Variants in STIM2 observed in about 807,000 individuals in gnomAD.
STIM2 encodes stromal interaction molecule 2.
In STIM2, 31 loss-of-function variants were observed where a neutral mutation model predicts 85.8. The ratio of observed to expected loss-of-function variants is 0.36; its 90% confidence interval spans 0.27 to 0.49. STIM2 has a LOEUF of 0.49. Ranked by LOEUF, STIM2 falls within the 20% of genes least tolerant of loss-of-function variation. STIM2 has a pLI of 0.98. For missense variants in STIM2, 841 were observed against 927.6 expected (o/e 0.91, Z 1.21); for synonymous variants, 356 against 331.1 (o/e 1.08, Z -0.82).
At position 26,920,370 on chromosome 4, in the gene STIM2, G is replaced by A. The variant is rs940901787; in HGVS notation, c.282+736G>A. 2.0e-5 allele frequency among the ~76,000 whole-genome samples: 3 copies of A among 152,238 alleles called. 1 individual carries two copies. The highest frequency in any genetic ancestry group is 4.1e-4 in the South Asian group (2 of 4,826). ...GAGACCACCAGCATGGTAATTTACT[G>A]TACCCACTGTCTTTAGTTTTTAAGC... is the stretch of plus-strand genomic sequence containing the variant. On this transcript the variant is annotated intron_variant, in intron 2 of 11. Transcript: ENST00000467087.
chr4:26,889,044 A>G (rs182085381), intron 1 of STIM2, among the ~76,000 whole-genome samples: 5 of 152,274 alleles, frequency 3.3e-5, no homozygotes, highest in Admixed American at 2.6e-4. Context: ...TTTTGGAAAT[A>G]AGGCCTCTAG....
chr4:26,943,798 GGTT>G (rs1296155907), intron 2 of STIM2, among the ~76,000 whole-genome samples: 1 of 151,682 alleles, frequency 6.6e-6, no homozygotes, highest in East Asian at 1.9e-4. Context: ...AGTACTACAG[GGTT>G]TTAATTTAAC....
At chr4:26,947,029 A>G (rs940376358) in intron 2 of STIM2, among the ~76,000 whole-genome samples, 2 of 152,216 alleles carry the variant, frequency 1.3e-5, no homozygotes, top group African/African-American at 4.8e-5. Context: ...AAAATGCATT[A>G]TCATAAGTGA....
At chr4:27,011,523 C>T (rs1366919661) in intron 10 of STIM2, among the ~76,000 whole-genome samples, 1 of 152,114 alleles carries the variant, frequency 6.6e-6, no homozygotes, top group Non-Finnish European at 1.5e-5. Flanking sequence ...TGGGAAGGCA[C>T]CTTTTACTAG....
Position 26,895,836 on chromosome 4 carries a change from G to A in STIM2, c.152-23668G>A, listed in dbSNP as rs570004131. 2.0e-5 allele frequency among the ~76,000 whole-genome samples: 3 copies of A among 152,354 alleles called. No individual in the cohort carries two copies. The South Asian group carries it at 6.2e-4, about 32-fold the overall frequency. On this transcript the variant is annotated intron_variant, in intron 1 of 11. Transcript: ENST00000467087. ...TCAAAGTCATTCTCTTTGTAAGGGT[G>A]TTTGAAGAGTAATAATCAAACTCAG...
intron 1 of STIM2, among the ~76,000 whole-genome samples, chr4:26,880,000 T>C (rs1364940941): frequency 1.3e-5 from 2 of 151,424 alleles, no homozygotes; most frequent in African/African-American, 2.5e-5. Context: ...TATCATTCTT[T>C]ACCTTCTGCA....
chr4:27,012,295 T>G (rs1428568209), intron 10 of STIM2, among the ~76,000 whole-genome samples: 2 of 152,150 alleles, frequency 1.3e-5, no homozygotes, highest in African/African-American at 4.8e-5. Context: ...CTTATGAAAT[T>G]CCATGAAAGG....
chr4:26,920,483 C>T (rs1338807814), intron 2 of STIM2, among the ~76,000 whole-genome samples: 1 of 152,166 alleles, frequency 6.6e-6, no homozygotes, highest in Non-Finnish European at 1.5e-5. Flanking sequence ...CTAACCAAAT[C>T]CCCTGGTCAT....
intron 2 of STIM2, among the ~76,000 whole-genome samples, chr4:26,925,849 T>C (rs1031029519): frequency 2.3e-5 from 2 of 85,436 alleles, no homozygotes; most frequent in African/African-American, 1.4e-4. Flanking sequence ...ACAAAATCAA[T>C]GTACCAAAAT....
chr4:26,956,786 T>G (rs925863876), intron 2 of STIM2, among the ~76,000 whole-genome samples: 1 of 152,090 alleles, frequency 6.6e-6, no homozygotes, highest in African/African-American at 2.4e-5. Context: ...ATGAATGCAG[T>G]GATATTGAGG....
chr4:26,994,918 T>C (rs561885156), intron 3 of STIM2, among the ~76,000 whole-genome samples: 82 of 152,238 alleles, frequency 5.4e-4, no homozygotes, highest in Non-Finnish European at 7.5e-4. Context: ...TTTCATAAAG[T>C]GCCCCTCCCC....
chr4:26,907,380 C>T (rs939246944), intron 1 of STIM2, among the ~76,000 whole-genome samples: 1 of 152,134 alleles, frequency 6.6e-6, no homozygotes, highest in Non-Finnish European at 1.5e-5. Flanking sequence ...AGTTAGCTGT[C>T]ACTTCTCTCT....
intron 3 of STIM2, among the ~76,000 whole-genome samples, chr4:26,983,168 G>T (rs889678900): frequency 3.3e-5 from 5 of 152,174 alleles, no homozygotes; most frequent in African/African-American, 1.2e-4. Context: ...AGAAAAATCG[G>T]AATGCACACT....
chr4:26,876,291 TAGAC>T (rs138056113), intron 1 of STIM2, among the ~76,000 whole-genome samples: 1,945 of 152,366 alleles, frequency 0.013, 24 homozygotes, highest in Non-Finnish European at 0.021. Context: ...ATGAAGATGT[TAGAC>T]AGTCTCTCCT....
intron 3 of STIM2, among the ~76,000 whole-genome samples, chr4:26,992,668 GCA>G (rs1323358302): frequency 6.6e-6 from 1 of 152,094 alleles, no homozygotes; most frequent in Non-Finnish European, 1.5e-5. Flanking sequence ...TCAGCAAACA[GCA>G]CGTACAGAGG....
chr4:27,020,358 G>A (rs905359219), intron 11 of STIM2, among the ~76,000 whole-genome samples: 4 of 152,176 alleles, frequency 2.6e-5, no homozygotes, highest in African/African-American at 9.7e-5. Flanking sequence ...AAAAGGCTTT[G>A]CAGAAATGCC....
In STIM2 at chr4:27,009,020, CA is replaced by C. The variant is rs766826007; in HGVS notation, c.1489+23del. ...ATTTCCCGGTAAGTGGCAATTTCAACAAAAATTGTTGGTACAGGTTTTAAAG... is the reference window on the plus strand; with the variant it reads ...ATTTCCCGGTAAGTGGCAATTTCAACAAAATTGTTGGTACAGGTTTTAAAG... On this transcript the variant is annotated intron_variant, in intron 10 of 11. Transcript: ENST00000467087. The C allele has an allele frequency of 2.5e-6, 4 of 1,600,344 alleles. No homozygotes were observed. The Admixed American group carries it at 6.8e-5, about 27-fold the overall frequency.
chr4:26,983,856 A>G (rs1289023915), intron 3 of STIM2, among the ~76,000 whole-genome samples: 1 of 152,220 alleles, frequency 6.6e-6, no homozygotes, highest in African/African-American at 2.4e-5. Context: ...CCAGTGCCCA[A>G]AGTAATTACT....
intron 1 of STIM2, among the ~76,000 whole-genome samples, chr4:26,894,452 C>T (rs1248230952): frequency 6.6e-6 from 1 of 151,456 alleles, no homozygotes; most frequent in Non-Finnish European, 1.5e-5. Context: ...TTTTTATTCA[C>T]TGAGAATTGA....
Sources: allele counts gnomAD v4.1 joint callset (sites outside exome capture counted in the v4.1 genomes callset), GRCh38; gene constraint gnomAD v4.1.1; transcripts MANE v1.5; gene names NCBI Gene and HGNC (gene_info 2026-07-23, HGNC 2026-07-21).